FRYL: variants seen among roughly 807,000 people sequenced by gnomAD.
The protein encoded by FRYL is FRY like transcription coactivator.
In FRYL, 150 loss-of-function variants were observed where a neutral mutation model predicts 351.2. That is an observed-to-expected ratio of 0.43 (90% CI 0.37 to 0.49). The LOEUF (loss-of-function observed/expected upper bound fraction) is 0.49. FRYL is among the 20% of genes least tolerant of loss of function. The pLI is 0.00. For missense variants in FRYL, 3,036 were observed against 3,619.3 expected (o/e 0.84, Z 4.13); for synonymous variants, 1,153 against 1,257.1 (o/e 0.92, Z 1.75).
chr4:48,565,117 CA>C (rs1736473795), intron 29 of FRYL, 74 bp from the exon 30 acceptor site: 1 of 752,504 alleles, frequency 1.3e-6, no homozygotes, highest in Non-Finnish European at 2.2e-6. Context: ...TGAGAAGAGG[CA>C]AAATACTTAT....
At chr4:48,764,841 G>T (rs1471147747) in intron 1 of FRYL, among the ~76,000 whole-genome samples, 1 of 152,124 alleles carries the variant, frequency 6.6e-6, no homozygotes, top group Non-Finnish European at 1.5e-5. Flanking sequence ...ACAGAAATAG[G>T]AAAAGTGATT....
At chr4:48,538,753 T>G (rs1729460937) in intron 47 of FRYL, among the ~76,000 whole-genome samples, 1 of 152,154 alleles carries the variant, frequency 6.6e-6, no homozygotes, top group African/African-American at 2.4e-5. Flanking sequence ...AGCCAAGTTC[T>G]TTTACTTATC....
intron 7 of FRYL, among the ~76,000 whole-genome samples, chr4:48,615,193 G>T (rs1749175899): frequency 6.6e-6 from 1 of 152,138 alleles, no homozygotes; most frequent in Admixed American, 6.5e-5. Flanking sequence ...TGTGAAGTTG[G>T]ACTAGCCCAA....
chr4:48,670,358 G>A (rs1418694281), intron 3 of FRYL, among the ~76,000 whole-genome samples: 2 of 151,892 alleles, frequency 1.3e-5, no homozygotes, highest in East Asian at 1.9e-4. Flanking sequence ...GCTTGAACCC[G>A]AGAGGAGGAG....
intron 1 of FRYL, among the ~76,000 whole-genome samples, chr4:48,777,110 G>A (rs1776105036): frequency 6.6e-6 from 1 of 151,902 alleles, no homozygotes; most frequent in Non-Finnish European, 1.5e-5. Flanking sequence ...TAAATACTCT[G>A]TCATCGGTTT....
intron 15 of FRYL, among the ~76,000 whole-genome samples, chr4:48,595,011 G>T (rs533172916): frequency 6.6e-6 from 1 of 152,312 alleles, no homozygotes; most frequent in South Asian, 2.1e-4. Context: ...AGTCTCTTTG[G>T]GAACTGGGAT....
intron 1 of FRYL, among the ~76,000 whole-genome samples, chr4:48,769,566 C>T (rs1349879052): frequency 6.6e-6 from 1 of 152,162 alleles, no homozygotes; most frequent in Non-Finnish European, 1.5e-5. Flanking sequence ...CAGTATGACC[C>T]AGTAATTGCA....
chr4:48,762,635 C>G (rs771239951), intron 1 of FRYL, among the ~76,000 whole-genome samples: 32 of 152,054 alleles, frequency 2.1e-4, no homozygotes, highest in Admixed American at 6.6e-5. Flanking sequence ...TGTGCTGGGC[C>G]CTGCTCTGAG....
At chr4:48,746,470 G>A (rs948342782) in intron 1 of FRYL, among the ~76,000 whole-genome samples, 58 of 150,808 alleles carry the variant, frequency 3.8e-4, no homozygotes, top group African/African-American at 1.4e-3. Flanking sequence ...GCGTGAACCC[G>A]GGAGGCGGAG....
chr4:48,597,742 T>A (rs554511835), intron 13 of FRYL, among the ~76,000 whole-genome samples: 12 of 152,330 alleles, frequency 7.9e-5, no homozygotes, highest in African/African-American at 2.9e-4. Flanking sequence ...TGATTAAATA[T>A]AAAAGTATTT....
Position 48,550,581 on chromosome 4 carries a change from G to A in FRYL, c.4633+11C>T, listed in dbSNP as rs745351203. 1 of 1,509,006 alleles carries A rather than the reference G, an allele frequency of 6.6e-7. No homozygotes were observed. The highest frequency in any genetic ancestry group is 9.2e-7 in the Non-Finnish European group (1 of 1,085,146). 93.5% of individuals were successfully genotyped at this position (1,509,006 alleles called of 1,614,324 possible). On this transcript the variant is annotated intron_variant, in intron 38 of 63. Coordinates refer to ENST00000358350, the MANE Select transcript of FRYL (RefSeq NM_015030.2). Reference sequence around the variant, plus strand: ...CTTATAGTTATATTAAAAACATTTGGAATTTATTACTTTTTTCTTCTTCAT... The same window carrying A: ...CTTATAGTTATATTAAAAACATTTGAAATTTATTACTTTTTTCTTCTTCAT...
At chr4:48,632,036 C>CAG (rs1181823597) in intron 4 of FRYL, among the ~76,000 whole-genome samples, 1 of 99,080 alleles carries the variant, frequency 1.0e-5, no homozygotes, top group African/African-American at 4.1e-5. Context: ...CTGGGAGACA[C>CAG]AGCAAGACCC....
chr4:48,565,062 G>C lies in FRYL; in HGVS notation c.3331-19C>G. ...ACATAGCCTTCAAATAATAATATTA[G>C]AATTACATTTAACAAATTTAAGAGG... is the stretch of plus-strand genomic sequence containing the variant. On this transcript the variant is annotated intron_variant, in intron 29 of 63. Transcript: ENST00000358350. The C allele has an allele frequency of 1.4e-6, 2 of 1,388,194 alleles. No homozygotes were observed. The highest frequency in any genetic ancestry group is 2.0e-6 in the Non-Finnish European group (2 of 1,016,500). The allele number at this position is 1,388,194 out of a possible 1,614,324, so 86.0% of individuals were successfully genotyped here.
At position 48,540,507 on chromosome 4, in the gene FRYL, T is replaced by C. The variant is rs1176830981; in HGVS notation, c.6141A>G (p.Val2047=). The C allele has an allele frequency of 5.0e-6, 8 of 1,614,006 alleles. No individual in the cohort carries two copies. The highest frequency in any genetic ancestry group is 6.8e-6 in the Non-Finnish European group (8 of 1,179,980). The change falls in exon 46 of 64, where the codon GTA becomes GTG. Residue 2047 remains valine, a synonymous_variant. Transcript: ENST00000358350. ...AATTAGTCCATTTCAATTTGCTTTG[T>C]ACATTTTCAATCTTCTCTCGACTCT... ...KSESREKIEN[V]QSKLKWTNFP... is the part of the protein sequence containing the mutation.
intron 3 of FRYL, among the ~76,000 whole-genome samples, chr4:48,672,657 T>C (rs180785947): frequency 1.2e-3 from 180 of 152,346 alleles, no homozygotes; most frequent in African/African-American, 4.1e-3. Context: ...CCAGGCATTG[T>C]GCTGCCCAGC....
At chr4:48,575,365 C>T in intron 24 of FRYL, 124 bp from the exon 25 acceptor site, 1 of 991,690 alleles carries the variant, frequency 1.0e-6, no homozygotes, top group South Asian at 1.6e-5. Context: ...ATGAATGATA[C>T]CTCAAATTTC....
At chr4:48,546,035 A>G (rs1174846011) in intron 42 of FRYL, 32 bp downstream of exon 42, 1 of 1,581,508 alleles carries the variant, frequency 6.3e-7, no homozygotes, top group Non-Finnish European at 8.7e-7. Context: ...TAACACATAC[A>G]CTGCTGGGAT....
chr4:48,633,492 T>C (rs531367774), intron 4 of FRYL, among the ~76,000 whole-genome samples: 1 of 152,298 alleles, frequency 6.6e-6, no homozygotes, highest in South Asian at 2.1e-4. Context: ...TTCCATGTGG[T>C]GAGATCATCA....
At chr4:48,648,053 G>A (rs1272074865) in intron 3 of FRYL, among the ~76,000 whole-genome samples, 1 of 152,088 alleles carries the variant, frequency 6.6e-6, no homozygotes, top group African/African-American at 2.4e-5. Context: ...CCATCACTAT[G>A]AATGTTTTGT....
Sources: gnomAD v4.1 joint callset for allele counts (sites outside exome capture counted in the v4.1 genomes callset) on GRCh38, gnomAD v4.1.1 for gene constraint, MANE v1.5 for transcripts, NCBI Gene and HGNC (gene_info 2026-07-23, HGNC 2026-07-21) for gene names.